Variants in EBF1 observed in about 807,000 individuals in gnomAD.
EBF1 encodes the protein EBF transcription factor 1, also known as transcription factor COE1.
In EBF1, 10 loss-of-function variants were observed where a neutral mutation model predicts 68.4. The observed-to-expected ratio is 0.15, with a 90% CI of 0.09 to 0.25. The LOEUF (loss-of-function observed/expected upper bound fraction) is 0.25. EBF1 is among the 10% of genes least tolerant of loss of function. The pLI, the probability that EBF1 is intolerant of heterozygous loss-of-function variation, is 1.00. For missense variants in EBF1, 509 were observed against 794.4 expected, an observed-to-expected ratio of 0.64 and a Z score of 4.32; for synonymous variants, 298 against 299.8, an observed-to-expected ratio of 0.99 and a Z score of 0.06.
chr5:158,854,821 T>A (rs1262444165), intron 6 of EBF1, among the ~76,000 whole-genome samples: 2 of 152,182 alleles, frequency 1.3e-5, no homozygotes, highest in African/African-American at 2.4e-5. Context: ...CCAGGCCTTG[T>A]TGGCATGGGA....
Position 158,783,219 on chromosome 5 carries a change from T to C in EBF1, c.910-5680A>G, listed in dbSNP as rs925062754. Among the ~76,000 whole-genome samples the C allele has an allele frequency of 4.6e-5, 7 of 152,184 alleles. No homozygotes were observed. The East Asian group carries it at 1.3e-3, about 29-fold the overall frequency. On this transcript the variant is annotated intron_variant, in intron 9 of 15. Coordinates refer to ENST00000313708, the MANE Select transcript of EBF1 (RefSeq NM_024007.5). Reference sequence around the variant, plus strand: ...TTGCACTGGATCATGTAAATAATTATGGAATAAACCTATTTGTACATATAA... The same window carrying C: ...TTGCACTGGATCATGTAAATAATTACGGAATAAACCTATTTGTACATATAA...
chr5:158,996,689 C>T (rs968694682), intron 6 of EBF1, among the ~76,000 whole-genome samples: 3 of 152,166 alleles, frequency 2.0e-5, no homozygotes, highest in African/African-American at 7.2e-5. Flanking sequence ...GAACTGGACA[C>T]TTCTACCATT....
At chr5:158,852,069 A>AGGG (rs1793030317) in intron 6 of EBF1, among the ~76,000 whole-genome samples, 2 of 17,778 alleles carry the variant, frequency 1.1e-4, no homozygotes, top group Non-Finnish European at 1.0e-4. Flanking sequence ...AGAGGGGAGG[A>AGGG]GAGGGGAGGG....
chr5:158,755,595 T>C (rs1769898723), intron 10 of EBF1, among the ~76,000 whole-genome samples: 1 of 152,174 alleles, frequency 6.6e-6, no homozygotes, highest in African/African-American at 2.4e-5. Flanking sequence ...TTTATTGGGA[T>C]TAACTAGCTG....
At chr5:159,060,011 T>G (rs1775498366) in intron 6 of EBF1, among the ~76,000 whole-genome samples, 1 of 152,192 alleles carries the variant, frequency 6.6e-6, no homozygotes, top group Admixed American at 6.5e-5. Flanking sequence ...ACTAGAAATA[T>G]AACAGTCATT....
intron 6 of EBF1, among the ~76,000 whole-genome samples, chr5:158,995,390 C>T (rs764242365): frequency 3.3e-5 from 5 of 152,084 alleles, no homozygotes; most frequent in Non-Finnish European, 7.4e-5. Flanking sequence ...CAGATCAATG[C>T]TAGGGGGACG....
chr5:158,781,271 C>A (rs1221189363), intron 9 of EBF1, among the ~76,000 whole-genome samples: 1 of 152,170 alleles, frequency 6.6e-6, no homozygotes, highest in Non-Finnish European at 1.5e-5. Flanking sequence ...GATATCTTCT[C>A]TTATTCATTG....
chr5:159,009,319 A>C (rs1032283930), intron 6 of EBF1, among the ~76,000 whole-genome samples: 1 of 152,190 alleles, frequency 6.6e-6, no homozygotes, highest in African/African-American at 2.4e-5. Context: ...CCCACACAGA[A>C]CTACCCAAAT....
At chr5:158,776,430 C>T (rs1346059128) in intron 10 of EBF1, among the ~76,000 whole-genome samples, 1 of 152,084 alleles carries the variant, frequency 6.6e-6, no homozygotes, top group East Asian at 1.9e-4. Context: ...TAAAATTCGT[C>T]CACTTAATTG....
chr5:159,033,919 A>T (rs901766210), intron 6 of EBF1, among the ~76,000 whole-genome samples: 22 of 152,268 alleles, frequency 1.4e-4, no homozygotes, highest in African/African-American at 4.8e-4. Context: ...TGGGTGTTTA[A>T]TGTAATAGGG....
chr5:159,085,180 G>A (rs930046499), intron 4 of EBF1, among the ~76,000 whole-genome samples: 56 of 152,268 alleles, frequency 3.7e-4, no homozygotes, highest in African/African-American at 1.3e-3. Flanking sequence ...GTCTTCCAGG[G>A]ATGGGTAGTA....
At chr5:159,005,166 A>T (rs781676882) in intron 6 of EBF1, among the ~76,000 whole-genome samples, 1 of 152,238 alleles carries the variant, frequency 6.6e-6, no homozygotes, top group African/African-American at 2.4e-5. Flanking sequence ...CCACAAGAGC[A>T]GTAAATTTCT....
chr5:158,757,787 T>G (rs1770463090), intron 10 of EBF1, among the ~76,000 whole-genome samples: 1 of 152,218 alleles, frequency 6.6e-6, no homozygotes, highest in African/African-American at 2.4e-5. Flanking sequence ...TCTAAAAATA[T>G]GTTGAGTGCT....
intron 10 of EBF1, among the ~76,000 whole-genome samples, chr5:158,753,563 C>A (rs1159591365): frequency 6.6e-6 from 1 of 152,058 alleles, no homozygotes; most frequent in Non-Finnish European, 1.5e-5. Context: ...ACCAAAACCA[C>A]CAGCTGGAAA....
At chr5:158,873,358 C>T (rs1797238428) in intron 6 of EBF1, among the ~76,000 whole-genome samples, 1 of 152,162 alleles carries the variant, frequency 6.6e-6, no homozygotes, top group Non-Finnish European at 1.5e-5. Context: ...CTATAGAATA[C>T]ACAGCTCTCT....
chr5:159,040,693 A>G (rs1313277856), intron 6 of EBF1, among the ~76,000 whole-genome samples: 1 of 152,252 alleles, frequency 6.6e-6, no homozygotes, highest in Non-Finnish European at 1.5e-5. Context: ...TTTAACTAAC[A>G]AGCAGGCAAT....
chr5:158,804,648 C>T (rs1220574982), intron 8 of EBF1, among the ~76,000 whole-genome samples: 2 of 152,142 alleles, frequency 1.3e-5, no homozygotes, highest in East Asian at 1.9e-4. Context: ...TTTAATGACA[C>T]ACAACATAGC....
At chr5:158,710,653 A>G (rs1385731850) in intron 14 of EBF1, among the ~76,000 whole-genome samples, 1 of 152,238 alleles carries the variant, frequency 6.6e-6, no homozygotes, top group East Asian at 1.9e-4. Context: ...CCTTGAGCAG[A>G]AAAATTCACC....
At chr5:158,996,749 C>T (rs747856438) in intron 6 of EBF1, among the ~76,000 whole-genome samples, 2 of 152,196 alleles carry the variant, frequency 1.3e-5, no homozygotes, top group African/African-American at 2.4e-5. Flanking sequence ...AATTATGATA[C>T]TCAAGCCCAT....
Sources: allele counts gnomAD v4.1 joint callset (sites outside exome capture counted in the v4.1 genomes callset), GRCh38; gene constraint gnomAD v4.1.1; transcripts MANE v1.5; gene names NCBI Gene and HGNC (gene_info 2026-07-23, HGNC 2026-07-21).